The following SLC12A2 variants were observed in gnomAD, a reference collection of about 807,000 sequenced individuals.
The protein encoded by SLC12A2 is Na-K-2Cl cotransporter 1.
SLC12A2 carries 67 observed loss-of-function variants against 136.3 expected under a neutral mutation model. That is an observed-to-expected ratio of 0.49 (90% confidence interval 0.40 to 0.60). The LOEUF (loss-of-function observed/expected upper bound fraction) is 0.60. SLC12A2 is among the 20% of genes least tolerant of loss of function. The probability of loss-of-function intolerance (pLI) is 0.00; values close to 1 mark genes in which losing one functional copy is unlikely to be tolerated. For synonymous variants in SLC12A2, 619 were observed against 562.9 expected (o/e 1.10, Z -1.41); for missense variants, 1,322 against 1,534.7 (o/e 0.86, Z 2.32).
chr5:128,126,242 C>G (rs1761790249), intron 4 of SLC12A2, among the ~76,000 whole-genome samples: 2 of 152,144 alleles, frequency 1.3e-5, no homozygotes, highest in South Asian at 2.1e-4. Context: ...ATCTAATAAT[C>G]CAGTTTAAAA....
In SLC12A2 at chr5:128,186,657, C is replaced by T; in HGVS notation, c.*26C>T. On this transcript the variant is annotated 3_prime_UTR_variant, in exon 27 of 27. Coordinates refer to ENST00000262461, the MANE Select transcript of SLC12A2 (RefSeq NM_001046.3). ...ATGTTCTATACAGTGGACAGCCCTC[C>T]AGAATGGTACTTCAGTGCCTAGTGT... is the stretch of plus-strand genomic sequence containing the variant. The T allele has an allele frequency of 6.2e-7, 1 of 1,611,774 alleles. No individual in the cohort carries two copies. The highest frequency in any genetic ancestry group is 8.5e-7 in the Non-Finnish European group (1 of 1,178,434).
intron 7 of SLC12A2, among the ~76,000 whole-genome samples, chr5:128,136,077 T>C (rs1762182321): frequency 1.3e-5 from 2 of 152,284 alleles, no homozygotes; most frequent in South Asian, 4.1e-4. Context: ...TTTTATTCTC[T>C]ACTAGTTTTG....
intron 1 of SLC12A2, among the ~76,000 whole-genome samples, chr5:128,089,300 A>G (rs1162040541): frequency 6.6e-6 from 1 of 152,060 alleles, no homozygotes; most frequent in Non-Finnish European, 1.5e-5. Context: ...AGGCAGGAGG[A>G]TTGCTTGAGC....
chr5:128,128,462 C>G (rs935179656), intron 4 of SLC12A2, among the ~76,000 whole-genome samples: 1 of 151,928 alleles, frequency 6.6e-6, no homozygotes, highest in Non-Finnish European at 1.5e-5. Flanking sequence ...TCTGTGTTTG[C>G]TTGATCAACA....
chr5:128,135,629 AT>A, intron 6 of SLC12A2, 70 bp from the exon 7 acceptor site: 1 of 1,023,000 alleles, frequency 9.8e-7, no homozygotes, highest in East Asian at 2.4e-5. Flanking sequence ...TGGAAGTTAT[AT>A]TCTAGGGGAA....
At chr5:128,130,547 T>G (rs368080653) in intron 4 of SLC12A2, among the ~76,000 whole-genome samples, 4 of 141,200 alleles carry the variant, frequency 2.8e-5, no homozygotes, top group East Asian at 2.0e-4. Flanking sequence ...TCCGGTGTGG[T>G]GGCACGCACC....
chr5:128,176,314 G>C (rs1288804625), intron 20 of SLC12A2, among the ~76,000 whole-genome samples: 1 of 151,898 alleles, frequency 6.6e-6, no homozygotes, highest in African/African-American at 2.4e-5. Flanking sequence ...TTAACTCCTG[G>C]GAATATAAAT....
chr5:128,093,533 G>C (rs1261273446), intron 1 of SLC12A2, among the ~76,000 whole-genome samples: 1 of 152,020 alleles, frequency 6.6e-6, no homozygotes, highest in Admixed American at 6.6e-5. Context: ...CAGGCCCTCT[G>C]CCAGTGTGTG....
At chr5:128,149,411 G>C (rs943796173) in intron 12 of SLC12A2, among the ~76,000 whole-genome samples, 1 of 151,706 alleles carries the variant, frequency 6.6e-6, no homozygotes, top group Non-Finnish European at 1.5e-5. Context: ...GCAATATCTC[G>C]TAAACTTTTC....
chr5:128,084,064 C>T lies in SLC12A2; in HGVS notation c.110C>T (p.Thr37Met), dbSNP rs1403951323. 5 of 1,308,568 alleles carry T rather than the reference C, an allele frequency of 3.8e-6. No homozygotes were observed. The highest frequency in any genetic ancestry group is 3.8e-5 in the Admixed American group (1 of 26,464). The allele number at this position is 1,308,568 out of a possible 1,614,324, so 81.1% of individuals were successfully genotyped here. The change falls in exon 1 of 27, where the codon ACG becomes ATG. Residue 37 changes from threonine to methionine, a missense_variant. By Grantham distance (81) the Thr-to-Met change is moderately conservative. Around this residue, in one of 8 missense-constraint regions of SLC12A2, gnomAD observed 358 missense variants for 299.7 expected, o/e 1.19. Coordinates refer to ENST00000262461, the MANE Select transcript of SLC12A2 (RefSeq NM_001046.3). The surrounding 1 kb of genome is among the most constrained non-coding windows in gnomAD (Gnocchi z 5.6). Reference protein sequence around the residue: ...LAAARVELPGTAVPSVPEDAA... With the variant: ...LAAARVELPGMAVPSVPEDAA... ...GCAGCCAGGGTGGAACTGCCCGGCA[C>T]GGCTGTGCCCTCGGTGCCGGAGGAT...
At chr5:128,117,819 A>G (rs1378974044) in intron 4 of SLC12A2, among the ~76,000 whole-genome samples, 3 of 152,156 alleles carry the variant, frequency 2.0e-5, no homozygotes, top group African/African-American at 2.4e-5. Context: ...TGCCAACTCT[A>G]CATCTGACAA....
At chr5:128,103,581 A>G (rs1760821728) in intron 1 of SLC12A2, among the ~76,000 whole-genome samples, 1 of 152,242 alleles carries the variant, frequency 6.6e-6, no homozygotes, top group Non-Finnish European at 1.5e-5. Flanking sequence ...CCAAGTAAAT[A>G]AAAAAGATAA....
rs368580460 is a variant in SLC12A2 at position 128,136,170 on chromosome 5, G to A, written c.1408+362G>A. On this transcript the variant is annotated intron_variant, in intron 7 of 26. Coordinates refer to ENST00000262461, the MANE Select transcript of SLC12A2 (RefSeq NM_001046.3). ...TATTTAAGCACAACAGTATAAAAGC[G>A]CCTAAGATTGTGAAAGCAATTATTG... is the stretch of plus-strand genomic sequence containing the variant. 1.8e-4 allele frequency among the ~76,000 whole-genome samples: 27 copies of A among 152,136 alleles called. 1 individual carries two copies. The East Asian group carries it at 3.9e-3, about 22-fold the overall frequency.
chr5:128,186,823 A>G lies in SLC12A2; in HGVS notation c.*192A>G, dbSNP rs984481660. 3 of 480,936 alleles carry G rather than the reference A, an allele frequency of 6.2e-6. No individual in the cohort carries two copies. The highest frequency in any genetic ancestry group is 3.1e-5 in the East Asian group (1 of 32,176). 29.8% of individuals were successfully genotyped at this position (480,936 alleles called of 1,614,324 possible). The stretch of plus-strand genomic sequence containing the variant: ...GGAGACTTCGGTTTTAGTCAATTCC[A>G]TATCTCAATCTTAATGGTGATTCTT... On this transcript the variant is annotated 3_prime_UTR_variant, in exon 27 of 27. Transcript: ENST00000262461.
chr5:128,123,149 G>T (rs1452003201), intron 4 of SLC12A2, among the ~76,000 whole-genome samples: 1 of 151,838 alleles, frequency 6.6e-6, no homozygotes, highest in Non-Finnish European at 1.5e-5. Flanking sequence ...GCAGAATTAG[G>T]GTTATATGTC....
intron 18 of SLC12A2, chr5:128,170,898 C>T (rs1217197763): frequency 1.3e-5 from 2 of 152,068 alleles, no homozygotes; most frequent in African/African-American, 4.8e-5. Flanking sequence ...GAGTTCAAGA[C>T]CAGCCTGGCC....
At chr5:128,125,596 G>T (rs991742039) in intron 4 of SLC12A2, among the ~76,000 whole-genome samples, 4 of 152,016 alleles carry the variant, frequency 2.6e-5, no homozygotes. Context: ...TCAGTCTGTG[G>T]CTTGTCTTAC....
intron 4 of SLC12A2, among the ~76,000 whole-genome samples, chr5:128,127,086 G>T (rs1581090309): frequency 1.6e-5 from 2 of 128,474 alleles, no homozygotes; most frequent in African/African-American, 2.9e-5. Flanking sequence ...AACAATTTTT[G>T]AGTATGATCA....
chr5:128,145,342 T>A (rs1409534928), intron 10 of SLC12A2, among the ~76,000 whole-genome samples: 1 of 152,110 alleles, frequency 6.6e-6, no homozygotes, highest in African/African-American at 2.4e-5. Context: ...AATTTAACTT[T>A]GAGATCATTA....
Sources: gnomAD v4.1 joint callset for allele counts (sites outside exome capture counted in the v4.1 genomes callset) on GRCh38, gnomAD v4.1.1 for gene constraint, gnomAD v4.1.1 regional missense constraint, Gnocchi (gnomAD v3.1) non-coding constraint, MANE v1.5 for transcripts, NCBI Gene and HGNC (gene_info 2026-07-23, HGNC 2026-07-21) for gene names.